The following ASH1L variants were observed in gnomAD, a reference collection of about 807,000 sequenced individuals.
ASH1L encodes ASH1 like histone lysine methyltransferase.
A neutral mutation model predicts 269.0 loss-of-function variants in ASH1L; 23 were observed. The observed-to-expected ratio is 0.09, with a 90% confidence interval of 0.06 to 0.12. The LOEUF (loss-of-function observed/expected upper bound fraction) is 0.12, where lower values mean the gene tolerates loss of function less well. Ranked by LOEUF, ASH1L falls within the 10% of genes least tolerant of loss-of-function variation. ASH1L has a pLI of 1.00. For missense variants in ASH1L, 2,912 were observed against 3,567.8 expected (o/e 0.82, Z 4.68); for synonymous variants, 1,187 against 1,253.5 (o/e 0.95, Z 1.12).
intron 1 of ASH1L, among the ~76,000 whole-genome samples, chr1:155,552,415 G>A (rs1350501717): frequency 2.6e-5 from 4 of 152,140 alleles, no homozygotes; most frequent in African/African-American, 4.8e-5. Flanking sequence ...GCAGTGAGCC[G>A]AGATCGCGCC....
rs1558188569 is a variant in ASH1L at position 155,521,390 on chromosome 1, T to G, written c.130A>C (p.Lys44Gln). 1 of 1,614,186 alleles carries G rather than the reference T, an allele frequency of 6.2e-7. No individual in the cohort carries two copies. Among genetic ancestry groups the G allele is most frequent in the Non-Finnish European group, 8.5e-7 (1 of 1,180,028 alleles). The change falls in exon 2 of 28, where the codon AAG becomes CAG. Residue 44 changes from lysine (K) to glutamine (Q), a missense_variant. Lys to Gln is a moderately conservative substitution (Grantham distance 53, BLOSUM62 1). Coordinates refer to ENST00000392403, the MANE Select transcript of ASH1L (RefSeq NM_018489.3). ...KREVELEKNT[K>Q]EEEDLRKRNR... ...CGTTTGCGAAGGTCCTCTTCCTCCT[T>G]TGTGTTTTTTTCTAGCTCTACTTCT...
chr1:155,346,445 C>T lies in ASH1L; in HGVS notation c.7828G>A (p.Gly2610Arg). Residue 2610 changes from glycine to arginine, a missense_variant, in exon 21 of 28, where the codon GGA becomes AGA. This residue lies in a region of ASH1L where 179 missense variants were observed against 293.8 expected (regional missense o/e 0.61). Transcript: ENST00000392403. The stretch of plus-strand genomic sequence containing the variant: ...TAGTGCTCCACATCTGAGTTCACTC[C>T]CATACAATCACAGTGCTGCCATACC... ...CMVWQHCDCM[G>R]VNSDVEHYLC... 1 of 1,613,978 alleles carries T rather than the reference C, an allele frequency of 6.2e-7. No individual in the cohort carries two copies. The highest frequency in any genetic ancestry group is 8.5e-7 in the Non-Finnish European group (1 of 1,179,926).
chr1:155,362,292 C>T (rs1222644544), intron 12 of ASH1L, among the ~76,000 whole-genome samples: 6 of 151,786 alleles, frequency 4.0e-5, no homozygotes, highest in Non-Finnish European at 4.4e-5. Flanking sequence ...CCTTGGCCTC[C>T]CAAAGTGCTG....
In ASH1L at chr1:155,407,179, C is replaced by T. The variant is rs944805743; in HGVS notation, c.6008+8565G>A. 5.3e-5 allele frequency among the ~76,000 whole-genome samples: 8 copies of T among 151,764 alleles called. No homozygotes were observed. The South Asian group carries it at 6.2e-4, about 12-fold the overall frequency. On this transcript the variant is annotated intron_variant, in intron 6 of 27. Transcript: ENST00000392403. ...CAGAGGTTGCAGTGAGCCAAGATTG[C>T]GCCACTGCACTCCAGCCTGGGAGAC...
intron 16 of ASH1L, among the ~76,000 whole-genome samples, chr1:155,353,955 A>C (rs1167302704): frequency 6.6e-6 from 1 of 152,244 alleles, no homozygotes; most frequent in Non-Finnish European, 1.5e-5. Flanking sequence ...TTCAGACTAC[A>C]GGTCATGTTT....
intron 5 of ASH1L, among the ~76,000 whole-genome samples, chr1:155,426,938 C>T (rs1661206114): frequency 1.3e-5 from 2 of 152,134 alleles, no homozygotes; most frequent in African/African-American, 4.8e-5. Context: ...GGGATTTCAA[C>T]TTACTGGGCA....
At chr1:155,371,918 TC>T (rs1210291399) in intron 10 of ASH1L, among the ~76,000 whole-genome samples, 4 of 152,022 alleles carry the variant, frequency 2.6e-5, no homozygotes, top group African/African-American at 4.8e-5. Context: ...GGTCTCAAAC[TC>T]CCAACCTCAG....
At chr1:155,402,074 A>G (rs771890139) in intron 6 of ASH1L, among the ~76,000 whole-genome samples, 49 of 152,012 alleles carry the variant, frequency 3.2e-4, no homozygotes, top group Non-Finnish European at 4.9e-4. Flanking sequence ...TGGGTGACAG[A>G]GCAAGACTGT....
chr1:155,460,376 G>A (rs1414930917), intron 3 of ASH1L, among the ~76,000 whole-genome samples: 8 of 152,306 alleles, frequency 5.3e-5, no homozygotes, highest in Middle Eastern at 3.4e-3. Context: ...TTGGGAGGCC[G>A]AGGCGGGTGG....
chr1:155,524,554 T>C (rs1669110593), intron 1 of ASH1L, among the ~76,000 whole-genome samples: 1 of 149,516 alleles, frequency 6.7e-6, no homozygotes, highest in African/African-American at 2.5e-5. Flanking sequence ...CAAAGTTAGC[T>C]GTGCACAGTA....
At chr1:155,406,897 A>C (rs1321411187) in intron 6 of ASH1L, among the ~76,000 whole-genome samples, 1 of 152,196 alleles carries the variant, frequency 6.6e-6, no homozygotes, top group Non-Finnish European at 1.5e-5. Context: ...TCGAGGATAG[A>C]ATTTCCCCTG....
chr1:155,384,521 C>T (rs1390455808), intron 7 of ASH1L, among the ~76,000 whole-genome samples: 2 of 151,568 alleles, frequency 1.3e-5, no homozygotes. Context: ...GATTCGTTCT[C>T]CTGAGTAGTT....
At chr1:155,485,325 AT>A (rs1334520795) in intron 2 of ASH1L, among the ~76,000 whole-genome samples, 2 of 147,932 alleles carry the variant, frequency 1.4e-5, no homozygotes. Flanking sequence ...TTTTATTTTT[AT>A]TTTTTTTTAA....
chr1:155,383,524 TTG>T (rs144054515), intron 7 of ASH1L, among the ~76,000 whole-genome samples: 281 of 152,360 alleles, frequency 1.8e-3, no homozygotes, highest in African/African-American at 6.6e-3. Flanking sequence ...ATATACAGGT[TTG>T]TAGCTTAGGA....
At chr1:155,372,966 A>G (rs1656097728) in intron 10 of ASH1L, among the ~76,000 whole-genome samples, 3 of 152,222 alleles carry the variant, frequency 2.0e-5, no homozygotes, top group African/African-American at 7.2e-5. Flanking sequence ...TAATCCCAGC[A>G]CTTTAGGGGG....
At chr1:155,415,252 G>C (rs545942794) in intron 6 of ASH1L, among the ~76,000 whole-genome samples, 172 of 151,168 alleles carry the variant, frequency 1.1e-3, no homozygotes, top group Non-Finnish European at 1.6e-3. Context: ...GCGTGGTGGC[G>C]GGCCCTGTAC....
intron 15 of ASH1L, among the ~76,000 whole-genome samples, chr1:155,357,063 G>T (rs1654462379): frequency 8.4e-6 from 1 of 118,974 alleles, no homozygotes; most frequent in Admixed American, 1.2e-4. Context: ...GGGTGACAGA[G>T]TAAGATCCCA....
chr1:155,499,129 G>A (rs1667345228), intron 2 of ASH1L, among the ~76,000 whole-genome samples: 1 of 151,964 alleles, frequency 6.6e-6, no homozygotes, highest in Admixed American at 6.6e-5. Context: ...GGCCCTCATA[G>A]GATCAAGAGT....
intron 1 of ASH1L, among the ~76,000 whole-genome samples, chr1:155,526,601 C>T (rs1439231036): frequency 2.0e-5 from 3 of 152,194 alleles, no homozygotes; most frequent in African/African-American, 4.8e-5. Context: ...AAAACTATTT[C>T]ATCCCATCTC....
Sources: gnomAD v4.1 joint callset for allele counts (sites outside exome capture counted in the v4.1 genomes callset) on GRCh38, gnomAD v4.1.1 for gene constraint, gnomAD v4.1.1 regional missense constraint, MANE v1.5 for transcripts, NCBI Gene and HGNC (gene_info 2026-07-23, HGNC 2026-07-21) for gene names.